Variants in PACRG observed in about 807,000 individuals in gnomAD.
PACRG encodes the protein parkin coregulated gene protein.
In PACRG, 29 loss-of-function variants were observed where a neutral mutation model predicts 29.7. The observed-to-expected ratio is 0.98, with a 90% confidence interval of 0.73 to 1.33. The LOEUF (loss-of-function observed/expected upper bound fraction) is 1.33, where lower values mean the gene tolerates loss of function less well. Ranked by LOEUF, PACRG falls within the 40% of genes most tolerant of loss-of-function variation. PACRG has a pLI of 0.00. For missense variants in PACRG, 279 were observed against 316.2 expected, an observed-to-expected ratio of 0.88 and a Z score of 0.89; for synonymous variants, 116 against 118.7, an observed-to-expected ratio of 0.98 and a Z score of 0.15.
intron 2 of PACRG, among the ~76,000 whole-genome samples, chr6:162,829,952 C>T (rs193024186): frequency 6.6e-6 from 1 of 152,242 alleles, no homozygotes; most frequent in East Asian, 1.9e-4. Flanking sequence ...GGGACCCTAA[C>T]ACAAAACCAA....
Position 163,203,753 on chromosome 6 carries a change from G to A in PACRG, c.614-111074G>A, listed in dbSNP as rs560719523. Reference sequence around the variant, plus strand: ...AGTATACCAATGCAGTTCTGGTCTTGTAGTTTCAAAAGGCTAATTACTTTT... The same window carrying A: ...AGTATACCAATGCAGTTCTGGTCTTATAGTTTCAAAAGGCTAATTACTTTT... On this transcript the variant is annotated intron_variant, in intron 4 of 4. Coordinates refer to ENST00000366888, the MANE Select transcript of PACRG (RefSeq NM_001080379.2). Among the ~76,000 whole-genome samples, 10 of 152,334 alleles carry A rather than the reference G, an allele frequency of 6.6e-5. No homozygotes were observed. In the South Asian group the frequency reaches 1.7e-3, roughly 25 times the overall value.
chr6:162,862,693 C>A (rs1021894931), intron 2 of PACRG, among the ~76,000 whole-genome samples: 1 of 152,122 alleles, frequency 6.6e-6, no homozygotes, highest in Non-Finnish European at 1.5e-5. Flanking sequence ...GTTTCTCAAC[C>A]CTCATCCATA....
chr6:163,151,636 CT>C (rs1778097165), intron 4 of PACRG, among the ~76,000 whole-genome samples: 2 of 152,082 alleles, frequency 1.3e-5, no homozygotes, highest in South Asian at 4.1e-4. Context: ...ATAGAATTAT[CT>C]CACTTTTCTT....
chr6:163,029,952 G>T (rs1285998160), intron 2 of PACRG, among the ~76,000 whole-genome samples: 1 of 152,096 alleles, frequency 6.6e-6, no homozygotes, highest in African/African-American at 2.4e-5. Context: ...AAGTAATTGT[G>T]AACAAGAGAG....
chr6:163,215,315 T>C (rs992148430), intron 4 of PACRG, among the ~76,000 whole-genome samples: 1 of 152,232 alleles, frequency 6.6e-6, no homozygotes, highest in African/African-American at 2.4e-5. Context: ...TATCATTCCA[T>C]GGAAAGTGGA....
chr6:163,243,169 T>C (rs1782567016), intron 4 of PACRG, among the ~76,000 whole-genome samples: 1 of 152,238 alleles, frequency 6.6e-6, no homozygotes, highest in Admixed American at 6.5e-5. Context: ...CTGGTGCCAC[T>C]GATTCCACTC....
chr6:163,121,411 C>T (rs1463494645), intron 4 of PACRG, among the ~76,000 whole-genome samples: 1 of 152,166 alleles, frequency 6.6e-6, no homozygotes, highest in African/African-American at 2.4e-5. Flanking sequence ...GATGGATTAT[C>T]TGTCTACCTC....
intron 2 of PACRG, among the ~76,000 whole-genome samples, chr6:162,983,964 T>C (rs1336407593): frequency 6.6e-6 from 1 of 152,080 alleles, no homozygotes; most frequent in East Asian, 1.9e-4. Flanking sequence ...TTTACCTGTT[T>C]AACATAATCC....
intron 2 of PACRG, among the ~76,000 whole-genome samples, chr6:163,003,166 C>CT (rs1284480317): frequency 2.0e-5 from 3 of 152,296 alleles, no homozygotes; most frequent in Non-Finnish European, 4.4e-5. Flanking sequence ...TGCATTATTA[C>CT]TTCTCTTAAA....
chr6:163,187,034 C>G (rs993716797), intron 4 of PACRG, among the ~76,000 whole-genome samples: 1 of 152,214 alleles, frequency 6.6e-6, no homozygotes, highest in Admixed American at 6.5e-5. Context: ...GGAGACACCC[C>G]CCGTCCTCAA....
intron 2 of PACRG, among the ~76,000 whole-genome samples, chr6:163,004,523 T>C (rs1291671437): frequency 2.0e-5 from 3 of 151,312 alleles, no homozygotes; most frequent in East Asian, 2.0e-4. Flanking sequence ...TCAGTTCTCA[T>C]GAGAACTCAC....
intron 2 of PACRG, among the ~76,000 whole-genome samples, chr6:163,030,553 G>C (rs1807564899): frequency 6.6e-6 from 1 of 152,074 alleles, no homozygotes; most frequent in Non-Finnish European, 1.5e-5. Flanking sequence ...GAGGGTTCTT[G>C]GATCTCACAC....
chr6:163,145,813 G>A (rs1318042312), intron 4 of PACRG, among the ~76,000 whole-genome samples: 11 of 152,302 alleles, frequency 7.2e-5, no homozygotes, highest in African/African-American at 2.6e-4. Flanking sequence ...TTAGCAGAAG[G>A]CCCTGGCCTG....
At chr6:163,271,217 T>A (rs904129111) in intron 4 of PACRG, among the ~76,000 whole-genome samples, 21 of 151,860 alleles carry the variant, frequency 1.4e-4, no homozygotes, top group Non-Finnish European at 2.1e-4. Flanking sequence ...TTCTGCCTGC[T>A]TTTATTCTGG....
intron 2 of PACRG, among the ~76,000 whole-genome samples, chr6:162,994,996 T>G (rs1461912965): frequency 6.6e-6 from 1 of 150,414 alleles, no homozygotes; most frequent in Non-Finnish European, 1.5e-5. Context: ...TGGAATACCC[T>G]GCCGAGTGAG....
At chr6:163,164,504 T>C (rs1216768865) in intron 4 of PACRG, among the ~76,000 whole-genome samples, 1 of 152,222 alleles carries the variant, frequency 6.6e-6, no homozygotes, top group Non-Finnish European at 1.5e-5. Flanking sequence ...GGGATGGTTA[T>C]TAAGGGACCT....
intron 2 of PACRG, among the ~76,000 whole-genome samples, chr6:162,959,982 A>C (rs1484257796): frequency 6.6e-6 from 1 of 152,210 alleles, no homozygotes; most frequent in African/African-American, 2.4e-5. Flanking sequence ...AAGACATACA[A>C]GCAGCCAACA....
At chr6:163,036,685 G>A (rs543725731) in intron 2 of PACRG, among the ~76,000 whole-genome samples, 17 of 152,344 alleles carry the variant, frequency 1.1e-4, no homozygotes, top group African/African-American at 4.1e-4. Context: ...TATCCCAGAT[G>A]ACTAAAGCCA....
At chr6:162,766,382 A>G (rs1041297960) in intron 1 of PACRG, among the ~76,000 whole-genome samples, 2 of 152,170 alleles carry the variant, frequency 1.3e-5, no homozygotes, top group African/African-American at 4.8e-5. Context: ...GTCGCAAATG[A>G]TAGAATTTCC....
Sources: allele counts gnomAD v4.1 joint callset (sites outside exome capture counted in the v4.1 genomes callset), GRCh38; gene constraint gnomAD v4.1.1; transcripts MANE v1.5; gene names NCBI Gene and HGNC (gene_info 2026-07-23, HGNC 2026-07-21).